The following MEF2D variants were observed in gnomAD, a reference collection of about 807,000 sequenced individuals.
The protein encoded by MEF2D is myocyte-specific enhancer factor 2D.
In MEF2D, 10 loss-of-function variants were observed where a neutral mutation model predicts 59.3. The ratio of observed to expected loss-of-function variants is 0.17; its 90% CI spans 0.10 to 0.29. MEF2D has a LOEUF of 0.29. Among genes scored for constraint, MEF2D ranks in the 10% least tolerant of loss-of-function variants. The probability of loss-of-function intolerance (pLI) is 1.00; values close to 1 mark genes in which losing one functional copy is unlikely to be tolerated. For missense variants in MEF2D, 508 were observed against 699.4 expected (o/e 0.73, Z 3.09); for synonymous variants, 305 against 295.0 (o/e 1.03, Z -0.35).
chr1:156,481,436 G>A (rs942664311), intron 3 of MEF2D, among the ~76,000 whole-genome samples: 5 of 152,160 alleles, frequency 3.3e-5, no homozygotes, highest in Admixed American at 3.3e-4. Flanking sequence ...TAGGAGAATA[G>A]GAGGAAGAGA....
intron 1 of MEF2D, among the ~76,000 whole-genome samples, chr1:156,488,154 G>A (rs972734168): frequency 2.6e-5 from 4 of 152,252 alleles, no homozygotes; most frequent in Admixed American, 2.0e-4. Flanking sequence ...AGGGTGGGGC[G>A]GAGTGAACCT....
At chr1:156,483,621 C>T (rs1170312981) in intron 1 of MEF2D, among the ~76,000 whole-genome samples, 191 bp from the exon 2 acceptor site, 1 of 152,224 alleles carries the variant, frequency 6.6e-6, no homozygotes, top group African/African-American at 2.4e-5. Flanking sequence ...GAGCTCACAC[C>T]AAGGCCCAGA....
Position 156,481,911 on chromosome 1 carries a change from C to T in MEF2D, c.258+526G>A, listed in dbSNP as rs566783346. Among the ~76,000 whole-genome samples, 7 of 152,306 alleles carry T rather than the reference C, an allele frequency of 4.6e-5. 1 individual carries two copies. In the South Asian group the frequency reaches 1.4e-3, roughly 32 times the overall value. On this transcript the variant is annotated intron_variant, in intron 3 of 11. Coordinates refer to ENST00000348159, the MANE Select transcript of MEF2D (RefSeq NM_005920.4). ...AAGCACCTGCCCAAGGCCATGTGGC[C>T]GGTAAAGGTCAGAACTGAATTCCAA...
chr1:156,469,223 G>A lies in MEF2D; in HGVS notation c.1007-203C>T, dbSNP rs79116917. Among the ~76,000 whole-genome samples the A allele has an allele frequency of 1.8e-4, 28 of 152,320 alleles. No homozygotes were observed. In the East Asian group the frequency reaches 5.0e-3, roughly 27 times the overall value. ...ACCTAAGTCATAATAACCATGAGGT[G>A]CTGTGTTTTAACAGGATGAAAAGAT... is the stretch of plus-strand genomic sequence containing the variant. On this transcript the variant is annotated intron_variant, in intron 9 of 11. Transcript: ENST00000348159.
chr1:156,476,398 C>G, intron 8 of MEF2D, 96 bp downstream of exon 8: 1 of 1,411,922 alleles, frequency 7.1e-7, no homozygotes, highest in South Asian at 1.2e-5. Context: ...CACGCACAGG[C>G]GAGAGGCCAA....
At chr1:156,498,226 C>T (rs1262125760) in intron 1 of MEF2D, among the ~76,000 whole-genome samples, 1 of 151,984 alleles carries the variant, frequency 6.6e-6, no homozygotes, top group Non-Finnish European at 1.5e-5. Context: ...GCCAGGATGC[C>T]CAGGCCCTCC....
intron 1 of MEF2D, among the ~76,000 whole-genome samples, chr1:156,499,771 A>C (rs1283667502): frequency 2.6e-5 from 4 of 152,040 alleles, no homozygotes; most frequent in Non-Finnish European, 5.9e-5. Flanking sequence ...GGTTACTGAC[A>C]AACCACATCA....
chr1:156,497,434 C>A (rs1673194363), intron 1 of MEF2D, among the ~76,000 whole-genome samples: 1 of 152,198 alleles, frequency 6.6e-6, no homozygotes, highest in Non-Finnish European at 1.5e-5. Flanking sequence ...TGGGGAGAAT[C>A]CCAGCACCAC....
At chr1:156,471,509 T>G (rs1671234379) in intron 9 of MEF2D, among the ~76,000 whole-genome samples, 1 of 152,162 alleles carries the variant, frequency 6.6e-6, no homozygotes. Context: ...GGCCCCTCAG[T>G]GAGTGAGTGA....
intron 9 of MEF2D, among the ~76,000 whole-genome samples, chr1:156,470,898 C>T (rs1038986189): frequency 3.9e-5 from 6 of 152,140 alleles, no homozygotes; most frequent in Non-Finnish European, 5.9e-5. Context: ...AGAAAGCCAG[C>T]GGCAGAGCTA....
Position 156,463,896 on chromosome 1 carries a change from AATC to A in MEF2D, c.*3746_*3748del, listed in dbSNP as rs1670671703. 6.5e-6 allele frequency: 1 copy of A among 152,696 alleles called. No individual in the cohort carries two copies. Among genetic ancestry groups the A allele is most frequent in the African/African-American group, 2.4e-5 (1 of 41,468 alleles). 9.5% of individuals were successfully genotyped at this position (152,696 alleles called of 1,614,324 possible). A position where few individuals can be genotyped will look rare whatever the true frequency, so the allele number is the denominator to read the frequency against. ...AGCACGAAAAGAAATATTGAAAACA[AATC>A]AACAGCCTCACACTTGGACTCGCCC... On this transcript the variant is annotated 3_prime_UTR_variant, in exon 12 of 12. Coordinates refer to ENST00000348159, the MANE Select transcript of MEF2D (RefSeq NM_005920.4).
rs1218025961 is a variant in MEF2D at position 156,464,177 on chromosome 1, C to CG, written c.*3467_*3468insC. The CG allele has an allele frequency of 6.6e-6, 1 of 152,620 alleles. No individual in the cohort carries two copies. Among genetic ancestry groups the CG allele is most frequent in the Non-Finnish European group, 1.5e-5 (1 of 68,048 alleles). 9.5% of individuals were successfully genotyped at this position (152,620 alleles called of 1,614,324 possible). A position where few individuals can be genotyped will look rare whatever the true frequency, so the allele number is the denominator to read the frequency against. On this transcript the variant is annotated 3_prime_UTR_variant, in exon 12 of 12. Transcript: ENST00000348159. ...GGGGAGAACAAGGAGTTCCCAGGCT[C>CG]CATGTCTCCTCCCCTCCGCGAAAGC... is the stretch of plus-strand genomic sequence containing the variant.
chr1:156,480,799 G>C (rs200395694), intron 4 of MEF2D, 35 bp downstream of exon 4: 131 of 1,595,116 alleles, frequency 8.2e-5, no homozygotes, highest in South Asian at 4.1e-4. Context: ...GGGCCGGAAG[G>C]GGGGGCCAAC....
In MEF2D at chr1:156,480,897, G is replaced by A; in HGVS notation, c.333C>T (p.Pro111=). The part of the protein sequence containing the change: ...PDGEDSLEQS[P]LLEDKYRRAS... ...CGCGTCGGTACTTGTCCTCCAGCAG[G>A]GGGCTCTGTTCCAGCGAGTCCTCCC... The change falls in exon 4 of 12, where the codon CCC becomes CCT. Residue 111 remains proline, a synonymous_variant. Coordinates refer to ENST00000348159, the MANE Select transcript of MEF2D (RefSeq NM_005920.4). 1 of 1,610,966 alleles carries A rather than the reference G, an allele frequency of 6.2e-7. No individual in the cohort carries two copies.
intron 3 of MEF2D, among the ~76,000 whole-genome samples, chr1:156,481,511 T>C (rs1672016195): frequency 6.6e-6 from 1 of 152,184 alleles, no homozygotes; most frequent in African/African-American, 2.4e-5. Flanking sequence ...GGATGAACAC[T>C]GACTGAGTCC....
rs968129806 is a variant in MEF2D, at chr1:156,477,298, C to T, written c.665-96G>A. The T allele has an allele frequency of 1.9e-5, 20 of 1,080,392 alleles. No individual in the cohort carries two copies. In the Admixed American group the frequency reaches 4.4e-4, roughly 24 times the overall value. The allele number at this position is 1,080,392 out of a possible 1,614,324, so 66.9% of individuals were successfully genotyped here. On this transcript the variant is annotated intron_variant, in intron 6 of 11. Coordinates refer to ENST00000348159, the MANE Select transcript of MEF2D (RefSeq NM_005920.4). ...CACCAATACTCCTGTTACCCGGAAC[C>T]TCTCAAAGCCATGCTTAGGCTTTGA...
intron 11 of MEF2D, 60 bp from the exon 12 acceptor site, chr1:156,467,716 A>AC (rs1378821035): frequency 1.5e-6 from 2 of 1,320,962 alleles, no homozygotes; most frequent in Middle Eastern, 2.6e-4. Flanking sequence ...TTGGGTATGC[A>AC]CCCCCCACTC....
chr1:156,493,402 C>T (rs1028644946), intron 1 of MEF2D, among the ~76,000 whole-genome samples: 2 of 152,136 alleles, frequency 1.3e-5, no homozygotes, highest in Non-Finnish European at 2.9e-5. Flanking sequence ...CCTTCTAACT[C>T]GAAGGACAGT....
rs1482708882 is a variant in MEF2D, at chr1:156,466,232, T to C, written c.*1413A>G. On this transcript the variant is annotated 3_prime_UTR_variant, in exon 12 of 12. Coordinates refer to ENST00000348159, the MANE Select transcript of MEF2D (RefSeq NM_005920.4). ...ATCTCGTCTGTACAGTACGGGCCGT[T>C]TGAGTCATTATTATTACAATATACT... The C allele has an allele frequency of 6.6e-6, 1 of 152,584 alleles. No individual in the cohort carries two copies. The highest frequency in any genetic ancestry group is 2.1e-4 in the South Asian group (1 of 4,838). 9.5% of individuals were successfully genotyped at this position (152,584 alleles called of 1,614,324 possible). A position where few individuals can be genotyped will look rare whatever the true frequency, so the allele number is the denominator to read the frequency against.
Sources: gnomAD v4.1 joint callset for allele counts (sites outside exome capture counted in the v4.1 genomes callset) on GRCh38, gnomAD v4.1.1 for gene constraint, MANE v1.5 for transcripts, NCBI Gene and HGNC (gene_info 2026-07-23, HGNC 2026-07-21) for gene names.